Variants in ANKFY1 observed in about 807,000 individuals in gnomAD.
ANKFY1 encodes ankyrin repeat and FYVE domain-containing protein 1.
A neutral mutation model predicts 128.3 loss-of-function variants in ANKFY1; 47 were observed. That is an observed-to-expected ratio of 0.37 (90% CI 0.29 to 0.47). ANKFY1 has a LOEUF of 0.47. ANKFY1 is among the 20% of genes least tolerant of loss of function. The pLI is 1.00. For missense variants in ANKFY1, 1,222 were observed against 1,510.6 expected (o/e 0.81, Z 3.17); for synonymous variants, 553 against 601.6 (o/e 0.92, Z 1.18).
intron 2 of ANKFY1, among the ~76,000 whole-genome samples, chr17:4,240,074 T>C (rs1226662140): frequency 6.6e-6 from 1 of 151,026 alleles, no homozygotes; most frequent in Non-Finnish European, 1.5e-5. Flanking sequence ...CTTTTTTTTT[T>C]TTTTTTTTGA....
intron 1 of ANKFY1, among the ~76,000 whole-genome samples, chr17:4,254,978 C>G (rs1230156369): frequency 6.6e-6 from 1 of 152,090 alleles, no homozygotes; most frequent in East Asian, 1.9e-4. Context: ...TAAGCCAGAA[C>G]GCATCCCATT....
chr17:4,204,861 G>A (rs2059993259), intron 7 of ANKFY1, among the ~76,000 whole-genome samples: 1 of 152,202 alleles, frequency 6.6e-6, no homozygotes, highest in Non-Finnish European at 1.5e-5. Flanking sequence ...AACGGTGCTT[G>A]AGGAAGATGC....
Position 4,167,622 on chromosome 17 carries a change from T to G in ANKFY1, c.*157A>C. 1 of 649,646 alleles carries G rather than the reference T, an allele frequency of 1.5e-6. No homozygotes were observed. The allele number at this position is 649,646 out of a possible 1,614,324, so 40.2% of individuals were successfully genotyped here. A position where few individuals can be genotyped will look rare whatever the true frequency, so the allele number is the denominator to read the frequency against. ...ACACTGACAATCATATGGAATCATTTGAAATGGGATCTATCACACCATGGT... is the reference window on the plus strand; with the variant it reads ...ACACTGACAATCATATGGAATCATTGGAAATGGGATCTATCACACCATGGT... On this transcript the variant is annotated 3_prime_UTR_variant, in exon 25 of 25. Coordinates refer to ENST00000341657, the MANE Select transcript of ANKFY1 (RefSeq NM_001330063.2). This position sits in a 1 kb window ranked among gnomAD's most constrained non-coding sequence, Gnocchi z 4.1.
At chr17:4,202,721 A>T (rs2059955594) in intron 7 of ANKFY1, among the ~76,000 whole-genome samples, 1 of 147,486 alleles carries the variant, frequency 6.8e-6, no homozygotes, top group Non-Finnish European at 1.5e-5. Context: ...AAAAAAAAAG[A>T]GAGATAAATA....
intron 3 of ANKFY1, among the ~76,000 whole-genome samples, chr17:4,231,620 G>A (rs184121038): frequency 1.3e-5 from 2 of 152,234 alleles, no homozygotes; most frequent in South Asian, 2.1e-4. Flanking sequence ...TATAATGCCT[G>A]TTGTATTTCA....
At chr17:4,182,384 G>A in intron 14 of ANKFY1, 35 bp from the exon 15 acceptor site, 4 of 1,484,840 alleles carry the variant, frequency 2.7e-6, no homozygotes, top group Non-Finnish European at 2.7e-6. Flanking sequence ...CAACGTTTGT[G>A]GTTGAACCCA....
chr17:4,178,677 G>A lies in ANKFY1; in HGVS notation c.2598+180C>T. ...TGTCAGGCGCTGACACACAGGCAGA[G>A]GAGCCGGATCTCATCCTGCACGGAT... On this transcript the variant is annotated intron_variant, in intron 18 of 24. Coordinates refer to ENST00000341657, the MANE Select transcript of ANKFY1 (RefSeq NM_001330063.2). The surrounding 1 kb of genome is among the most constrained non-coding windows in gnomAD (Gnocchi z 4.1). 1 of 645,086 alleles carries A rather than the reference G, an allele frequency of 1.6e-6. No individual in the cohort carries two copies. Among genetic ancestry groups the A allele is most frequent in the South Asian group, 1.9e-5 (1 of 52,436 alleles). The allele number at this position is 645,086 out of a possible 1,614,324, so 40.0% of individuals were successfully genotyped here. A position where few individuals can be genotyped will look rare whatever the true frequency, so the allele number is the denominator to read the frequency against.
chr17:4,223,815 G>C, intron 3 of ANKFY1: 1 of 1,409,580 alleles, frequency 7.1e-7, no homozygotes, highest in East Asian at 2.4e-5. Flanking sequence ...TGCAGGCCTG[G>C]GGGCCTACGT....
intron 5 of ANKFY1, among the ~76,000 whole-genome samples, chr17:4,208,780 C>T (rs982060675): frequency 2.6e-5 from 4 of 152,140 alleles, no homozygotes; most frequent in African/African-American, 4.8e-5. Flanking sequence ...ACTGGCCGGG[C>T]GCAGTGGCTC....
chr17:4,223,874 A>G (rs2143127101), intron 3 of ANKFY1: 1 of 862,302 alleles, frequency 1.2e-6, no homozygotes, highest in Non-Finnish European at 1.8e-6. Context: ...GGTGCCTGTC[A>G]TGGATGCTTT....
intron 4 of ANKFY1, among the ~76,000 whole-genome samples, chr17:4,211,951 G>GCT (rs1378115369): frequency 1.9e-4 from 29 of 152,096 alleles, no homozygotes; most frequent in African/African-American, 7.0e-4. Context: ...TCAGAGAAGA[G>GCT]AGAGCTGAAG....
intron 7 of ANKFY1, among the ~76,000 whole-genome samples, chr17:4,202,589 C>A (rs1443161185): frequency 1.1e-4 from 11 of 104,022 alleles, no homozygotes; most frequent in South Asian, 6.7e-4. Context: ...CCCAGCTACA[C>A]GGGAGGCTGA....
chr17:4,252,017 G>A (rs1379194060), intron 1 of ANKFY1, among the ~76,000 whole-genome samples: 5 of 129,536 alleles, frequency 3.9e-5, no homozygotes, highest in East Asian at 2.4e-4. Context: ...CTGGGCAACA[G>A]AACGAGACTC....
At chr17:4,221,671 T>C (rs2060315444) in intron 3 of ANKFY1, among the ~76,000 whole-genome samples, 1 of 152,208 alleles carries the variant, frequency 6.6e-6, no homozygotes, top group African/African-American at 2.4e-5. Context: ...CAGGCTGCAG[T>C]GCAGTGGCAC....
chr17:4,183,616 A>G (rs1000682453), intron 13 of ANKFY1, 65 bp from the exon 14 acceptor site: 43 of 1,586,554 alleles, frequency 2.7e-5, no homozygotes, highest in Admixed American at 5.1e-5. Flanking sequence ...TCTTACTACA[A>G]CAGCCAGACC....
chr17:4,175,932 C>T (rs1022313702), intron 19 of ANKFY1, among the ~76,000 whole-genome samples: 10 of 152,286 alleles, frequency 6.6e-5, no homozygotes, highest in Non-Finnish European at 1.0e-4. Context: ...TCTGTCATGC[C>T]GGGCCCCAGG....
rs1380851085 is a variant in ANKFY1 at position 4,182,000 on chromosome 17, A to T, written c.2121+181T>A. ...TCTTGGTAAAGATGACCTAAAAACA[A>T]AAGGTCAGCCAAGACCATGTTGAAC... On this transcript the variant is annotated intron_variant, in intron 15 of 24. Coordinates refer to ENST00000341657, the MANE Select transcript of ANKFY1 (RefSeq NM_001330063.2). This position sits in a 1 kb window ranked among gnomAD's most constrained non-coding sequence, Gnocchi z 4.9. Among the ~76,000 whole-genome samples, 1 of 152,250 alleles carries T rather than the reference A, an allele frequency of 6.6e-6. No individual in the cohort carries two copies. Among genetic ancestry groups the T allele is most frequent in the Non-Finnish European group, 1.5e-5 (1 of 68,036 alleles).
intron 1 of ANKFY1, 77 bp from the exon 2 acceptor site, chr17:4,242,525 G>A: frequency 2.3e-6 from 3 of 1,293,990 alleles, no homozygotes; most frequent in Non-Finnish European, 3.1e-6. Flanking sequence ...TCATCCCATA[G>A]ACAGGAAAGC....
intron 1 of ANKFY1, among the ~76,000 whole-genome samples, chr17:4,261,687 C>T (rs986474210): frequency 2.6e-4 from 39 of 152,238 alleles, no homozygotes; most frequent in African/African-American, 9.4e-4. Flanking sequence ...GGGCTGGAAC[C>T]CGACTGCAAA....
Sources: allele counts gnomAD v4.1 joint callset (sites outside exome capture counted in the v4.1 genomes callset), GRCh38; gene constraint gnomAD v4.1.1; non-coding constraint Gnocchi (gnomAD v3.1); transcripts MANE v1.5; gene names NCBI Gene and HGNC (gene_info 2026-07-23, HGNC 2026-07-21).